The following RABGAP1L variants were observed in gnomAD, a reference collection of about 807,000 sequenced individuals.
RABGAP1L encodes RAB GTPase activating protein 1 like.
RABGAP1L carries 63 observed loss-of-function variants against 137.7 expected under a neutral mutation model. The ratio of observed to expected loss-of-function variants is 0.46; its 90% CI spans 0.37 to 0.56. RABGAP1L has a LOEUF of 0.56. Among genes scored for constraint, RABGAP1L ranks in the 20% least tolerant of loss-of-function variants. The probability of loss-of-function intolerance (pLI) is 0.00; values close to 1 mark genes in which losing one functional copy is unlikely to be tolerated. For missense variants in RABGAP1L, 1,095 were observed against 1,244.0 expected (o/e 0.88, Z 1.80); for synonymous variants, 431 against 433.7 (o/e 0.99, Z 0.08).
chr1:174,383,719 C>G (rs1686447567), intron 12 of RABGAP1L, among the ~76,000 whole-genome samples: 2 of 152,136 alleles, frequency 1.3e-5, no homozygotes, highest in African/African-American at 4.8e-5. Context: ...AACCCGGTAC[C>G]TCAGATGGAA....
At chr1:174,679,297 C>T (rs7527255) in intron 14 of RABGAP1L, among the ~76,000 whole-genome samples, 1 of 152,160 alleles carries the variant, frequency 6.6e-6, no homozygotes, top group Non-Finnish European at 1.5e-5. Flanking sequence ...CTTAGGGATT[C>T]TTAGTCAGCC....
intron 19 of RABGAP1L, chr1:174,948,660 A>G (rs907064574): frequency 1.3e-5 from 2 of 152,112 alleles, no homozygotes; most frequent in African/African-American, 4.8e-5. Context: ...CCATATATAG[A>G]TTAAATTACT....
At chr1:174,613,886 C>T (rs1206748778) in intron 13 of RABGAP1L, among the ~76,000 whole-genome samples, 1 of 151,944 alleles carries the variant, frequency 6.6e-6, no homozygotes, top group African/African-American at 2.4e-5. Context: ...CAACCCCTGC[C>T]TTTTTTTGTT....
chr1:174,470,322 G>A (rs1241413965), intron 13 of RABGAP1L, among the ~76,000 whole-genome samples: 1 of 152,136 alleles, frequency 6.6e-6, no homozygotes, highest in African/African-American at 2.4e-5. Context: ...TACATTCTAT[G>A]TAAATTTGTT....
rs183577681 is a variant in RABGAP1L, at chr1:174,541,701, G to A, written c.1711-95674G>A. On this transcript the variant is annotated intron_variant, in intron 13 of 25. Coordinates refer to ENST00000681986, the MANE Select transcript of RABGAP1L (RefSeq NM_001366446.1). ...TGAGGCAGGAGAATGGCATGAACCC[G>A]GGAGGCGGAGCTTGTAGTGAGCCGA... Among the ~76,000 whole-genome samples, 47 of 152,194 alleles carry A rather than the reference G, an allele frequency of 3.1e-4. No individual in the cohort carries two copies. The South Asian group carries it at 5.4e-3, about 18-fold the overall frequency.
At position 174,944,353 on chromosome 1, in the gene RABGAP1L, G is replaced by A. The variant is rs905114460; in HGVS notation, c.2341-13104G>A. 3.4e-5 allele frequency among the ~76,000 whole-genome samples: 5 copies of A among 148,718 alleles called. No homozygotes were observed. The South Asian group carries it at 8.5e-4, about 25-fold the overall frequency. On this transcript the variant is annotated intron_variant, in intron 19 of 25. Transcript: ENST00000681986. ...GCTAAAAAGTTGATGTATAAAAATA[G>A]CAATTCAAGGCCAGGTGTAGTGGCT...
chr1:174,557,213 A>G (rs898226940), intron 13 of RABGAP1L, among the ~76,000 whole-genome samples: 1 of 152,212 alleles, frequency 6.6e-6, no homozygotes, highest in African/African-American at 2.4e-5. Flanking sequence ...GAGATTCCCC[A>G]TGAACTCTTC....
intron 13 of RABGAP1L, among the ~76,000 whole-genome samples, chr1:174,416,495 A>G (rs1650605981): frequency 6.6e-6 from 1 of 152,128 alleles, no homozygotes. Context: ...ATAAATTAAC[A>G]TAAAAACAAT....
At chr1:174,286,168 G>A (rs1005604930) in intron 10 of RABGAP1L, among the ~76,000 whole-genome samples, 1 of 152,068 alleles carries the variant, frequency 6.6e-6, no homozygotes, top group African/African-American at 2.4e-5. Flanking sequence ...AATGTTTGGT[G>A]GAATTCAGTG....
At chr1:174,600,463 C>A (rs1342682380) in intron 13 of RABGAP1L, among the ~76,000 whole-genome samples, 1 of 152,142 alleles carries the variant, frequency 6.6e-6, no homozygotes, top group African/African-American at 2.4e-5. Flanking sequence ...TGCCTTCCAC[C>A]TATGAGTCTG....
chr1:174,532,170 C>G (rs2147891849), intron 13 of RABGAP1L, among the ~76,000 whole-genome samples: 1 of 151,474 alleles, frequency 6.6e-6, no homozygotes, highest in South Asian at 2.1e-4. Context: ...CAGTTTAGAT[C>G]AGAAGTCAGA....
At chr1:174,685,291 C>T (rs898057137) in intron 15 of RABGAP1L, among the ~76,000 whole-genome samples, 1 of 152,096 alleles carries the variant, frequency 6.6e-6, no homozygotes, top group Non-Finnish European at 1.5e-5. Context: ...CTCACTCTGT[C>T]GCCCAGGCTG....
intron 19 of RABGAP1L, among the ~76,000 whole-genome samples, chr1:174,943,631 C>T (rs995928180): frequency 2.6e-5 from 4 of 151,966 alleles, no homozygotes; most frequent in Non-Finnish European, 5.9e-5. Flanking sequence ...GTCAGGAGTT[C>T]GAGACCAGCC....
intron 13 of RABGAP1L, among the ~76,000 whole-genome samples, chr1:174,423,919 G>GA (rs1175711124): frequency 1.3e-5 from 2 of 151,778 alleles, no homozygotes; most frequent in African/African-American, 2.4e-5. Flanking sequence ...TAGAAACAGA[G>GA]AAAAAAAATA....
chr1:174,269,719 T>G (rs1674396858), intron 7 of RABGAP1L, among the ~76,000 whole-genome samples: 1 of 152,234 alleles, frequency 6.6e-6, no homozygotes, highest in South Asian at 2.1e-4. Flanking sequence ...TTATGTTGGA[T>G]GTCTCTTCTA....
intron 14 of RABGAP1L, among the ~76,000 whole-genome samples, chr1:174,666,070 C>A (rs1676765404): frequency 6.6e-6 from 1 of 152,148 alleles, no homozygotes; most frequent in South Asian, 2.1e-4. Context: ...TGTGGGACTA[C>A]TGAAAATTAG....
At chr1:174,725,019 A>T (rs1435575378) in intron 17 of RABGAP1L, among the ~76,000 whole-genome samples, 3 of 152,198 alleles carry the variant, frequency 2.0e-5, no homozygotes, top group Non-Finnish European at 4.4e-5. Flanking sequence ...GACCCAAATT[A>T]TACCAGAGCT....
chr1:174,518,022 A>G (rs1281061557), intron 13 of RABGAP1L, among the ~76,000 whole-genome samples: 4 of 152,216 alleles, frequency 2.6e-5, no homozygotes, highest in African/African-American at 7.2e-5. Flanking sequence ...ATCAGAATTG[A>G]TATCATTATA....
intron 1 of RABGAP1L, among the ~76,000 whole-genome samples, chr1:174,187,341 G>A (rs147399214): frequency 6.6e-6 from 1 of 152,114 alleles, no homozygotes; most frequent in African/African-American, 2.4e-5. Context: ...CTCTGTGAAG[G>A]CAAGGGCCAT....
Sources: gnomAD v4.1 joint callset for allele counts (sites outside exome capture counted in the v4.1 genomes callset) on GRCh38, gnomAD v4.1.1 for gene constraint, MANE v1.5 for transcripts, NCBI Gene and HGNC (gene_info 2026-07-23, HGNC 2026-07-21) for gene names.